KMT2C: variants seen among roughly 807,000 people sequenced by gnomAD.
The protein encoded by KMT2C is histone-lysine N-methyltransferase 2C.
A neutral mutation model predicts 507.9 loss-of-function variants in KMT2C; 88 were observed. The ratio of observed to expected loss-of-function variants is 0.17; its 90% CI spans 0.15 to 0.21. The LOEUF (loss-of-function observed/expected upper bound fraction) is 0.21. KMT2C is among the 10% of genes least tolerant of loss of function. The pLI is 1.00. For synonymous variants in KMT2C, 2,049 were observed against 2,080.8 expected (o/e 0.98, Z 0.42); for missense variants, 4,954 against 5,957.8 (o/e 0.83, Z 5.55).
intron 6 of KMT2C, among the ~76,000 whole-genome samples, chr7:152,290,295 T>TATATATATATG (rs1491166001): frequency 5.9e-5 from 1 of 16,980 alleles, no homozygotes; most frequent in Non-Finnish European, 9.4e-5. Flanking sequence ...TATATATATA[T>TATATATATATG]TTTTTTTTTT....
chr7:152,195,726 T>C (rs1449628431), intron 28 of KMT2C, among the ~76,000 whole-genome samples, 181 bp downstream of exon 28: 1 of 152,212 alleles, frequency 6.6e-6, no homozygotes, highest in Non-Finnish European at 1.5e-5. Flanking sequence ...ACTAACTTGC[T>C]ATACCCCTCC....
intron 14 of KMT2C, among the ~76,000 whole-genome samples, chr7:152,242,533 C>T (rs989690862): frequency 1.3e-5 from 2 of 152,100 alleles, no homozygotes; most frequent in African/African-American, 4.8e-5. Flanking sequence ...TAAAAAAACA[C>T]TACCTGGCAG....
chr7:152,290,743 T>A (rs2129186340), intron 6 of KMT2C, among the ~76,000 whole-genome samples: 1 of 152,228 alleles, frequency 6.6e-6, no homozygotes, highest in African/African-American at 2.4e-5. Flanking sequence ...ACAAGAATAT[T>A]CATTAGGGCT....
intron 16 of KMT2C, among the ~76,000 whole-genome samples, chr7:152,235,397 TCAGAATTTTAAAAA>T (rs973820346): frequency 6.6e-6 from 1 of 152,064 alleles, no homozygotes; most frequent in Non-Finnish European, 1.5e-5. Flanking sequence ...AAATGACATT[TCAGAATTTTAAAAA>T]CAGAATTTTA....
At chr7:152,287,229 C>T (rs904811703) in intron 6 of KMT2C, among the ~76,000 whole-genome samples, 5 of 152,302 alleles carry the variant, frequency 3.3e-5, no homozygotes, top group Non-Finnish European at 7.4e-5. Flanking sequence ...CAGGAGAGGC[C>T]TATTGGAGAA....
At chr7:152,391,142 C>CAAAAAAAAAAAAAAAAAAAA (rs1195125465) in intron 1 of KMT2C, among the ~76,000 whole-genome samples, 1 of 34,764 alleles carries the variant, frequency 2.9e-5, no homozygotes, top group African/African-American at 1.0e-4. Context: ...AGACTGTCTC[C>CAAAAAAAAAAAAAAAAAAAA]AAAAAAAAAA....
rs893274910 is a variant in KMT2C, at chr7:152,135,729, A to G, written c.*1103T>C. The G allele has an allele frequency of 4.4e-6, 1 of 227,558 alleles. No individual in the cohort carries two copies. The highest frequency in any genetic ancestry group is 1.8e-4 in the South Asian group (1 of 5,482). The allele number at this position is 227,558 out of a possible 1,614,324, so 14.1% of individuals were successfully genotyped here. On this transcript the variant is annotated 3_prime_UTR_variant, in exon 59 of 59. Coordinates refer to ENST00000262189, the MANE Select transcript of KMT2C (RefSeq NM_170606.3). ...TATCACAAATTGTAAGCACAAAAAA[A>G]CCTGACTGAAGAAGTAGGGATGCAA...
intron 37 of KMT2C, among the ~76,000 whole-genome samples, chr7:152,179,018 T>A (rs1221970110): frequency 6.6e-6 from 1 of 152,104 alleles, no homozygotes; most frequent in Admixed American, 6.5e-5. Context: ...TGAGACAGAG[T>A]CTCGTTCTGT....
At chr7:152,360,996 A>C (rs549998291) in intron 1 of KMT2C, among the ~76,000 whole-genome samples, 1 of 152,350 alleles carries the variant, frequency 6.6e-6, no homozygotes, top group East Asian at 1.9e-4. Flanking sequence ...AAAACTATGA[A>C]TGAAAATAAA....
intron 6 of KMT2C, among the ~76,000 whole-genome samples, chr7:152,279,366 TTAAAA>T (rs2096156635): frequency 2.0e-5 from 3 of 152,016 alleles, no homozygotes; most frequent in African/African-American, 7.2e-5. Flanking sequence ...GACTAAAGAA[TTAAAA>T]TAAATAATGC....
chr7:152,397,201 CT>C (rs35853037), intron 1 of KMT2C, among the ~76,000 whole-genome samples: 6,700 of 143,488 alleles, frequency 0.047, 194 homozygotes, highest in South Asian at 0.095. Flanking sequence ...ACTTTCCAAG[CT>C]TTTTTTTTTT....
At chr7:152,169,458 T>C (rs990339329) in intron 40 of KMT2C, among the ~76,000 whole-genome samples, 2 of 152,214 alleles carry the variant, frequency 1.3e-5, no homozygotes, top group African/African-American at 4.8e-5. Flanking sequence ...TGAACTACTA[T>C]ACTGTCTAGA....
intron 9 of KMT2C, among the ~76,000 whole-genome samples, chr7:152,255,132 T>TAC (rs1406416604): frequency 2.5e-5 from 3 of 121,830 alleles, no homozygotes; most frequent in South Asian, 2.4e-4. Context: ...TATATATATA[T>TAC]ATATATATAT....
chr7:152,144,636 A>G lies in KMT2C; in HGVS notation c.14343+77T>C, dbSNP rs561438846. 3.3e-5 allele frequency: 45 copies of G among 1,378,560 alleles called. No individual in the cohort carries two copies. The highest frequency in any genetic ancestry group is 4.1e-5 in the Non-Finnish European group (41 of 991,146). The allele number at this position is 1,378,560 out of a possible 1,614,324, so 85.4% of individuals were successfully genotyped here. On this transcript the variant is annotated intron_variant, in intron 55 of 58. Transcript: ENST00000262189. This position sits in a 1 kb window ranked among gnomAD's most constrained non-coding sequence, Gnocchi z 4.4. ...TGCAGCTATGTGAAATCATTTTCACATACTGGACATCAATAGCTTCAGATT... is the reference window on the plus strand; with the variant it reads ...TGCAGCTATGTGAAATCATTTTCACGTACTGGACATCAATAGCTTCAGATT...
chr7:152,423,126 A>G (rs2097788378), intron 1 of KMT2C, among the ~76,000 whole-genome samples: 1 of 152,214 alleles, frequency 6.6e-6, no homozygotes, highest in African/African-American at 2.4e-5. Flanking sequence ...GGATCACCAG[A>G]GGTCAGGAGT....
chr7:152,214,537 TG>T (rs1163018401), intron 23 of KMT2C, among the ~76,000 whole-genome samples: 6 of 152,140 alleles, frequency 3.9e-5, no homozygotes, highest in Non-Finnish European at 7.3e-5. Context: ...AAATCAGTTT[TG>T]TCATACTTTT....
At chr7:152,368,060 T>TA (rs1452352391) in intron 1 of KMT2C, 9 of 868,524 alleles carry the variant, frequency 1.0e-5, no homozygotes, top group Non-Finnish European at 1.6e-5. Context: ...ATAAACTTGC[T>TA]AAAAAGGTAA....
At chr7:152,367,772 C>A in intron 1 of KMT2C, 3 of 1,007,804 alleles carry the variant, frequency 3.0e-6, no homozygotes, top group Non-Finnish European at 1.6e-6. Context: ...CTGAGGACTA[C>A]CTAAATGCAG....
chr7:152,195,048 T>C (rs2093922399), intron 28 of KMT2C, among the ~76,000 whole-genome samples: 1 of 152,166 alleles, frequency 6.6e-6, no homozygotes, highest in Non-Finnish European at 1.5e-5. Flanking sequence ...ACTTCAATTA[T>C]AGGTAATATT....
Sources: gnomAD v4.1 joint callset for allele counts (sites outside exome capture counted in the v4.1 genomes callset) on GRCh38, gnomAD v4.1.1 for gene constraint, Gnocchi (gnomAD v3.1) non-coding constraint, MANE v1.5 for transcripts, NCBI Gene and HGNC (gene_info 2026-07-23, HGNC 2026-07-21) for gene names.